CSMD2: variants seen among roughly 807,000 people sequenced by gnomAD.
CSMD2 encodes the protein CUB and Sushi multiple domains 2.
CSMD2 carries 130 observed loss-of-function variants against 398.5 expected under a neutral mutation model. That is an observed-to-expected ratio of 0.33 (90% CI 0.28 to 0.38). The LOEUF is 0.38. CSMD2 is among the 10% of genes least tolerant of loss of function. CSMD2 has a pLI of 1.00. For synonymous variants in CSMD2, 1,828 were observed against 1,908.5 expected (o/e 0.96, Z 1.10); for missense variants, 3,829 against 4,764.9 (o/e 0.80, Z 5.78).
At chr1:34,152,967 G>A (rs952596855) in intron 1 of CSMD2, among the ~76,000 whole-genome samples, 2 of 152,152 alleles carry the variant, frequency 1.3e-5, no homozygotes, top group African/African-American at 4.8e-5. Context: ...TCACACATCA[G>A]TGAAAGCATA....
chr1:33,548,665 T>C (rs556132095), intron 56 of CSMD2, among the ~76,000 whole-genome samples: 22 of 152,380 alleles, frequency 1.4e-4, no homozygotes, highest in African/African-American at 5.3e-4. Flanking sequence ...GGTATATACC[T>C]AATGTTACTT....
chr1:33,567,456 T>C, intron 53 of CSMD2, 137 bp downstream of exon 53: 1 of 431,858 alleles, frequency 2.3e-6, no homozygotes. Context: ...ATGCTTTCAG[T>C]TTTGAAAAAA....
intron 1 of CSMD2, among the ~76,000 whole-genome samples, chr1:34,141,201 G>A (rs927938888): frequency 7.2e-5 from 11 of 151,816 alleles, no homozygotes; most frequent in African/African-American, 2.4e-4. Context: ...CATCTACTGG[G>A]TTTTCATGTC....
At chr1:33,817,647 A>C (rs1044964072) in intron 9 of CSMD2, among the ~76,000 whole-genome samples, 1 of 152,254 alleles carries the variant, frequency 6.6e-6, no homozygotes, top group African/African-American at 2.4e-5. Flanking sequence ...GGTTAAGCTG[A>C]ATATGTGTGC....
At chr1:34,029,963 T>C (rs754779227) in intron 3 of CSMD2, among the ~76,000 whole-genome samples, 2 of 152,152 alleles carry the variant, frequency 1.3e-5, no homozygotes, top group Non-Finnish European at 2.9e-5. Flanking sequence ...GCCAGGCAGG[T>C]GGGAGGAGGG....
intron 1 of CSMD2, among the ~76,000 whole-genome samples, chr1:34,119,581 G>A (rs1661960345): frequency 6.6e-6 from 1 of 152,136 alleles, no homozygotes; most frequent in Non-Finnish European, 1.5e-5. Context: ...ATAACTGAAT[G>A]AATAATCTGA....
rs1302760331 is a variant in CSMD2, at chr1:33,633,710, C to T, written c.5087-175G>A. 6.6e-6 allele frequency among the ~76,000 whole-genome samples: 1 copy of T among 152,074 alleles called. No homozygotes were observed. Among genetic ancestry groups the T allele is most frequent in the Non-Finnish European group, 1.5e-5 (1 of 67,990 alleles). ...GGCACAGTCTGGCAGTGGCCAGACA[C>T]CCGGCACAGGGAGGCGGGGAGCTGG... On this transcript the variant is annotated intron_variant, in intron 31 of 70. Transcript: ENST00000373381. The surrounding 1 kb of genome is among the most constrained non-coding windows in gnomAD (Gnocchi z 5.0).
intron 41 of CSMD2, among the ~76,000 whole-genome samples, chr1:33,610,069 A>G (rs1640892520): frequency 6.6e-6 from 1 of 152,204 alleles, no homozygotes; most frequent in Non-Finnish European, 1.5e-5. Flanking sequence ...GGTCTTCACC[A>G]GACACGGAAT....
chr1:33,652,466 G>A lies in CSMD2; in HGVS notation c.4448-5C>T, dbSNP rs760792411. 4 of 1,613,698 alleles carry A rather than the reference G, an allele frequency of 2.5e-6. No individual in the cohort carries two copies. Among genetic ancestry groups the A allele is most frequent in the South Asian group, 1.1e-5 (1 of 91,046 alleles). ...TCAGGTCTCCCCCGCAGGGAGCTGA[G>A]GAGAGAAGAAGACGAGGGTGAGGCT... On this transcript the variant is annotated splice_region_variant and splice_polypyrimidine_tract_variant and intron_variant, in intron 27 of 70. Transcript: ENST00000373381.
At chr1:34,001,028 G>C (rs929617836) in intron 3 of CSMD2, among the ~76,000 whole-genome samples, 1 of 149,998 alleles carries the variant, frequency 6.7e-6, no homozygotes, top group African/African-American at 2.4e-5. Context: ...GGAGGAAAAA[G>C]AGGAGGGAGA....
chr1:33,519,682 C>T lies in CSMD2; in HGVS notation c.10737-5G>A, dbSNP rs369421698. 46 of 1,613,682 alleles carry T rather than the reference C, an allele frequency of 2.9e-5. No individual in the cohort carries two copies. Among genetic ancestry groups the T allele is most frequent in the African/African-American group, 5.3e-5 (4 of 74,792 alleles). On this transcript the variant is annotated splice_polypyrimidine_tract_variant and splice_region_variant and intron_variant, in intron 69 of 70. Coordinates refer to ENST00000373381, the MANE Select transcript of CSMD2 (RefSeq NM_001281956.2). This position sits in a 1 kb window ranked among gnomAD's most constrained non-coding sequence, Gnocchi z 5.6. ...AAAGGAACTTTGGGTCTTCTCCTGGCGATAAAAGAGGAAGTGCCCACGGCA... is the reference window on the plus strand; with the variant it reads ...AAAGGAACTTTGGGTCTTCTCCTGGTGATAAAAGAGGAAGTGCCCACGGCA...
At chr1:33,819,444 C>T (rs115524376) in intron 9 of CSMD2, among the ~76,000 whole-genome samples, 3,032 of 152,276 alleles carry the variant, frequency 0.02, 102 homozygotes, top group African/African-American at 0.069. Context: ...CTGTTTCTTA[C>T]GTGCCTCACC....
chr1:33,935,064 G>A (rs1644432785), intron 4 of CSMD2, among the ~76,000 whole-genome samples: 1 of 149,204 alleles, frequency 6.7e-6, no homozygotes, highest in African/African-American at 2.5e-5. Context: ...AAAAAGAAAG[G>A]AAGAAAGGAA....
intron 29 of CSMD2, among the ~76,000 whole-genome samples, chr1:33,645,392 C>CAT (rs1365945031): frequency 7.5e-5 from 9 of 119,532 alleles, no homozygotes; most frequent in East Asian, 2.4e-4. Flanking sequence ...CACACACACA[C>CAT]ATATATAAAA....
chr1:34,122,221 C>T (rs773222853), intron 1 of CSMD2, among the ~76,000 whole-genome samples: 3 of 152,090 alleles, frequency 2.0e-5, no homozygotes, highest in Non-Finnish European at 1.5e-5. Flanking sequence ...GCTAAACTTC[C>T]CATGATGCAC....
intron 44 of CSMD2, 105 bp from the exon 45 acceptor site, chr1:33,587,273 C>A: frequency 1.2e-6 from 1 of 862,632 alleles, no homozygotes; most frequent in Admixed American, 2.5e-5. Context: ...TTTATTCACA[C>A]ACAGATATTC....
intron 9 of CSMD2, among the ~76,000 whole-genome samples, chr1:33,818,309 T>C (rs1258906634): frequency 1.3e-5 from 2 of 152,192 alleles, no homozygotes; most frequent in East Asian, 1.9e-4. Context: ...TCAACACCTG[T>C]TACTGAGTAC....
chr1:33,569,611 T>C, intron 51 of CSMD2, 64 bp from the exon 52 acceptor site: 1 of 1,519,688 alleles, frequency 6.6e-7, no homozygotes, highest in Non-Finnish European at 9.0e-7. Context: ...TGCTTCTGCT[T>C]AGCAAGAACT....
intron 2 of CSMD2, among the ~76,000 whole-genome samples, chr1:34,061,761 G>A (rs145586399): frequency 6.6e-6 from 1 of 152,262 alleles, no homozygotes; most frequent in East Asian, 1.9e-4. Context: ...AGAGATTGCT[G>A]GGCACCATAG....
Sources: gnomAD v4.1 joint callset for allele counts (sites outside exome capture counted in the v4.1 genomes callset) on GRCh38, gnomAD v4.1.1 for gene constraint, Gnocchi (gnomAD v3.1) non-coding constraint, MANE v1.5 for transcripts, NCBI Gene and HGNC (gene_info 2026-07-23, HGNC 2026-07-21) for gene names.